TRPM6: variants seen among roughly 807,000 people sequenced by gnomAD.
TRPM6 encodes the protein transient receptor potential cation channel subfamily M member 6.
TRPM6 carries 111 observed loss-of-function variants against 247.6 expected under a neutral mutation model. The observed-to-expected ratio is 0.45, with a 90% confidence interval of 0.38 to 0.52. TRPM6 has a LOEUF of 0.52. Ranked by LOEUF, TRPM6 falls within the 20% of genes least tolerant of loss-of-function variation. The pLI is 0.00. For missense variants in TRPM6, 2,126 were observed against 2,421.5 expected (o/e 0.88, Z 2.56); for synonymous variants, 892 against 853.8 (o/e 1.04, Z -0.78).
Position 74,830,743 on chromosome 9 carries a change from A to ATTTT in TRPM6, c.670-2798_670-2795dup, listed in dbSNP as rs1564034405. 7.5e-5 allele frequency among the ~76,000 whole-genome samples: 8 copies of ATTTT among 106,232 alleles called. 1 individual carries two copies. Among genetic ancestry groups the ATTTT allele is most frequent in the African/African-American group, 3.0e-4 (8 of 27,106 alleles). 69.7% of individuals were successfully genotyped at this position (106,232 alleles called of 152,430 possible). A position where few individuals can be genotyped will look rare whatever the true frequency, so the allele number is the denominator to read the frequency against. ...AGGCGTGCACCACCATGCCCAGCTA[A>ATTTT]TTTTTGTTTTTTTTTTTTTTTTTTT... is the stretch of plus-strand genomic sequence containing the variant. On this transcript the variant is annotated intron_variant, in intron 6 of 38. Coordinates refer to ENST00000360774, the MANE Select transcript of TRPM6 (RefSeq NM_017662.5).
intron 29 of TRPM6, among the ~76,000 whole-genome samples, 167 bp from the exon 30 acceptor site, chr9:74,750,889 A>C (rs375475711): frequency 3.3e-5 from 5 of 152,210 alleles, no homozygotes; most frequent in African/African-American, 1.2e-4. Context: ...AAAGATGCAT[A>C]ATGTTAGAGC....
intron 1 of TRPM6, chr9:74,887,259 C>T: frequency 1.5e-6 from 2 of 1,321,100 alleles, no homozygotes; most frequent in Non-Finnish European, 1.9e-6. Flanking sequence ...CGCTCCGGGA[C>T]TCCTGCACGG....
intron 1 of TRPM6, among the ~76,000 whole-genome samples, chr9:74,885,841 A>G (rs1443055007): frequency 3.3e-5 from 5 of 152,202 alleles, no homozygotes; most frequent in Admixed American, 2.6e-4. Context: ...TGGGAGGCCA[A>G]AGAGGATTGC....
chr9:74,774,222 A>G (rs1010854345), intron 24 of TRPM6, among the ~76,000 whole-genome samples: 1 of 152,196 alleles, frequency 6.6e-6, no homozygotes, highest in Non-Finnish European at 1.5e-5. Context: ...TCATCCTATA[A>G]GCACAGACCA....
intron 5 of TRPM6, among the ~76,000 whole-genome samples, chr9:74,837,566 C>T (rs1347882237): frequency 6.6e-6 from 1 of 152,036 alleles, no homozygotes; most frequent in Non-Finnish European, 1.5e-5. Context: ...CCTGCCTCAG[C>T]CTCCCAAGTA....
chr9:74,865,895 C>T lies in TRPM6; in HGVS notation c.34-7147G>A, dbSNP rs537230639. On this transcript the variant is annotated intron_variant, in intron 1 of 38. Transcript: ENST00000360774. ...CAAGTGATATTCCTGCCTCAGCCCCCTGAGAATCTGGGACTACAGATATGT... is the reference window on the plus strand; with the variant it reads ...CAAGTGATATTCCTGCCTCAGCCCCTTGAGAATCTGGGACTACAGATATGT... 2.0e-5 allele frequency among the ~76,000 whole-genome samples: 3 copies of T among 152,254 alleles called. No homozygotes were observed. In the South Asian group the frequency reaches 6.2e-4, roughly 32 times the overall value.
chr9:74,788,810 G>T, intron 19 of TRPM6, 68 bp from the exon 20 acceptor site: 1 of 1,584,534 alleles, frequency 6.3e-7, no homozygotes, highest in Non-Finnish European at 8.6e-7. Context: ...AGGAGACGCA[G>T]ATGGAGCAGA....
chr9:74,811,457 C>A (rs1440013480), intron 12 of TRPM6, among the ~76,000 whole-genome samples: 2 of 152,174 alleles, frequency 1.3e-5, no homozygotes, highest in African/African-American at 2.4e-5. Context: ...AAGGCTATTT[C>A]AAGAAGTGTC....
intron 2 of TRPM6, among the ~76,000 whole-genome samples, 162 bp downstream of exon 2, chr9:74,858,507 A>G (rs1587589092): frequency 1.3e-5 from 2 of 152,382 alleles, no homozygotes; most frequent in African/African-American, 2.4e-5. Context: ...GATTTTCTAC[A>G]ATAATCATGT....
At chr9:74,848,048 CT>C (rs1261795721) in intron 3 of TRPM6, among the ~76,000 whole-genome samples, 1 of 152,120 alleles carries the variant, frequency 6.6e-6, no homozygotes, top group Admixed American at 6.5e-5. Context: ...AATTATGGCC[CT>C]GTGGCCATAA....
intron 24 of TRPM6, among the ~76,000 whole-genome samples, chr9:74,774,098 G>GTAAA (rs778480335): frequency 1.8e-4 from 28 of 152,248 alleles, no homozygotes; most frequent in Non-Finnish European, 4.0e-4. Flanking sequence ...TGCCCCTTGT[G>GTAAA]TAAATGTCTT....
At chr9:74,869,727 AG>A (rs1830964624) in intron 1 of TRPM6, among the ~76,000 whole-genome samples, 1 of 152,140 alleles carries the variant, frequency 6.6e-6, no homozygotes, top group Admixed American at 6.6e-5. Flanking sequence ...TTGTAGACTA[AG>A]GGAGAAGTCA....
At chr9:74,851,249 C>T (rs919563095) in intron 3 of TRPM6, among the ~76,000 whole-genome samples, 1 of 151,994 alleles carries the variant, frequency 6.6e-6, no homozygotes, top group African/African-American at 2.4e-5. Context: ...ACTAAAAGCT[C>T]ACTTTATATA....
Position 74,808,172 on chromosome 9 carries a change from A to T in TRPM6, c.1500T>A (p.His500Gln), listed in dbSNP as rs780699272. Residue 500 changes from histidine (H) to glutamine (Q), a missense_variant and splice_region_variant, in exon 14 of 39, where the codon CAT becomes CAA. Physicochemically the swap from His to Gln is conservative, Grantham distance 24. This residue lies in a region of TRPM6 where 1,082 missense variants were observed against 1,307.9 expected (regional missense o/e 0.83). Transcript: ENST00000360774. ...TTATTCGGTAGCCTGAAAGAAGGGT[A>T]TGCTGCAACAAAAACATGCAACGAC... is the stretch of plus-strand genomic sequence containing the variant. ...LHHLVQDVKQ[H>Q]TLLSGYRITL... The T allele has an allele frequency of 1.9e-6, 3 of 1,613,958 alleles. No individual in the cohort carries two copies. The Admixed American group carries it at 5.0e-5, about 27-fold the overall frequency.
At chr9:74,732,897 G>C (rs540965340) in intron 36 of TRPM6, among the ~76,000 whole-genome samples, 161 bp from the exon 37 acceptor site, 1 of 152,134 alleles carries the variant, frequency 6.6e-6, no homozygotes, top group Admixed American at 6.6e-5. Flanking sequence ...AGCAATACTG[G>C]CAAGTAAAAA....
At chr9:74,727,033 C>G (rs1825353141) in intron 38 of TRPM6, among the ~76,000 whole-genome samples, 1 of 152,074 alleles carries the variant, frequency 6.6e-6, no homozygotes, top group South Asian at 2.1e-4. Flanking sequence ...CCTGGCTGAC[C>G]ACTATATTCC....
At chr9:74,837,801 G>A (rs1275333963) in intron 5 of TRPM6, among the ~76,000 whole-genome samples, 1 of 148,616 alleles carries the variant, frequency 6.7e-6, no homozygotes, top group African/African-American at 2.5e-5. Context: ...CCCAGGCTGG[G>A]TAGAGTGACA....
intron 6 of TRPM6, among the ~76,000 whole-genome samples, chr9:74,833,661 C>A (rs945723778): frequency 6.6e-6 from 1 of 152,200 alleles, no homozygotes; most frequent in Non-Finnish European, 1.5e-5. Flanking sequence ...ATTCAGGCAA[C>A]AGATAATGGT....
At chr9:74,784,276 A>G (rs1266279961) in intron 21 of TRPM6, among the ~76,000 whole-genome samples, 10 of 151,804 alleles carry the variant, frequency 6.6e-5, no homozygotes, top group East Asian at 1.9e-4. Context: ...AAAAAAAAAA[A>G]AAAGAAAGAA....
Sources: gnomAD v4.1 joint callset for allele counts (sites outside exome capture counted in the v4.1 genomes callset) on GRCh38, gnomAD v4.1.1 for gene constraint, gnomAD v4.1.1 regional missense constraint, MANE v1.5 for transcripts, NCBI Gene and HGNC (gene_info 2026-07-23, HGNC 2026-07-21) for gene names.